Variants in KAZN observed in about 807,000 individuals in gnomAD.
KAZN encodes kazrin.
In KAZN, 40 loss-of-function variants were observed where a neutral mutation model predicts 87.4. That is an observed-to-expected ratio of 0.46 (90% CI 0.36 to 0.60). The LOEUF (loss-of-function observed/expected upper bound fraction) is 0.60. Ranked by LOEUF, KAZN falls within the 20% of genes least tolerant of loss-of-function variation. The pLI, the probability that KAZN is intolerant of heterozygous loss-of-function variation, is 0.00. For missense variants in KAZN, 898 were observed against 1,073.9 expected (o/e 0.84, Z 2.29); for synonymous variants, 466 against 458.3 (o/e 1.02, Z -0.22).
intron 2 of KAZN, among the ~76,000 whole-genome samples, chr1:14,230,979 G>A (rs1430926301): frequency 6.6e-6 from 1 of 152,114 alleles, no homozygotes; most frequent in Admixed American, 6.6e-5. Context: ...TTAAAATGGG[G>A]TAATAATAGG....
chr1:14,448,300 T>G (rs1045077491), intron 2 of KAZN, among the ~76,000 whole-genome samples: 1 of 152,196 alleles, frequency 6.6e-6, no homozygotes, highest in Non-Finnish European at 1.5e-5. Context: ...AGCCCAGGTA[T>G]AAGGCACCAC....
chr1:15,057,760 C>T (rs1638422082), intron 5 of KAZN, among the ~76,000 whole-genome samples: 1 of 152,240 alleles, frequency 6.6e-6, no homozygotes, highest in African/African-American at 2.4e-5. Context: ...AGCCATGCAG[C>T]CAGCTGTCCT....
At chr1:14,944,103 C>T (rs1161360864) in intron 1 of KAZN, among the ~76,000 whole-genome samples, 1 of 151,836 alleles carries the variant, frequency 6.6e-6, no homozygotes, top group Non-Finnish European at 1.5e-5. Flanking sequence ...AAAACACACA[C>T]TGGATATGCA....
chr1:14,784,303 C>G (rs1357569395), intron 1 of KAZN, among the ~76,000 whole-genome samples: 1 of 152,198 alleles, frequency 6.6e-6, no homozygotes, highest in Non-Finnish European at 1.5e-5. Flanking sequence ...ACCTTCCTGG[C>G]AACGCCTAGA....
At chr1:14,883,354 GAAA>G (rs371217960) in intron 1 of KAZN, among the ~76,000 whole-genome samples, 662 of 15,806 alleles carry the variant, frequency 0.042, 24 homozygotes, top group East Asian at 0.11. Context: ...AAGAAAGAAA[GAAA>G]AGAAAGAAAG....
At chr1:14,879,312 C>T (rs896908520) in intron 1 of KAZN, among the ~76,000 whole-genome samples, 2 of 152,258 alleles carry the variant, frequency 1.3e-5, no homozygotes, top group East Asian at 3.9e-4. Context: ...ATAAGTGAAG[C>T]ACACAGCATA....
intron 1 of KAZN, among the ~76,000 whole-genome samples, chr1:14,680,885 C>A (rs1640528512): frequency 6.6e-6 from 1 of 152,172 alleles, no homozygotes; most frequent in South Asian, 2.1e-4. Context: ...AAAGAGCCTT[C>A]ATTGGCTCCT....
intron 1 of KAZN, among the ~76,000 whole-genome samples, chr1:14,035,682 T>C (rs1312432797): frequency 1.3e-5 from 2 of 151,256 alleles, no homozygotes; most frequent in Non-Finnish European, 2.9e-5. Context: ...CCCATGTTGC[T>C]CAGGCTGGTC....
Position 15,117,977 on chromosome 1 carries a change from C to T in KAZN, c.*3342C>T, listed in dbSNP as rs921405575. 1.2e-4 allele frequency: 19 copies of T among 152,318 alleles called. No individual in the cohort carries two copies. The highest frequency in any genetic ancestry group is 3.1e-4 in the African/African-American group (13 of 41,558). The allele number at this position is 152,318 out of a possible 1,614,324, so 9.4% of individuals were successfully genotyped here. A position where few individuals can be genotyped will look rare whatever the true frequency, so the allele number is the denominator to read the frequency against. On this transcript the variant is annotated 3_prime_UTR_variant, in exon 15 of 15. Transcript: ENST00000376030. ...TGAACAAAGATGCAGTTTCTAGGGCCGTGGCCCCAAATCGCTTCCCCGAGA... is the reference window on the plus strand; with the variant it reads ...TGAACAAAGATGCAGTTTCTAGGGCTGTGGCCCCAAATCGCTTCCCCGAGA...
At chr1:14,953,995 T>C (rs1335660920) in intron 1 of KAZN, among the ~76,000 whole-genome samples, 1 of 152,184 alleles carries the variant, frequency 6.6e-6, no homozygotes, top group East Asian at 1.9e-4. Flanking sequence ...CTAAAGGAGA[T>C]GGGCTGCAGA....
chr1:14,024,870 C>T (rs1263974643), intron 1 of KAZN, among the ~76,000 whole-genome samples: 1 of 152,168 alleles, frequency 6.6e-6, no homozygotes. Context: ...CAATTGCTGG[C>T]GTGGCATTTC....
At chr1:14,382,458 T>TCCCTCC (rs1553164586) in intron 2 of KAZN, among the ~76,000 whole-genome samples, 1 of 38,006 alleles carries the variant, frequency 2.6e-5, no homozygotes, top group Non-Finnish European at 4.6e-5. Context: ...CCCAATGCTA[T>TCCCTCC]CCCTCCCCCC....
intron 2 of KAZN, among the ~76,000 whole-genome samples, chr1:14,565,102 T>C (rs1333057033): frequency 6.6e-6 from 1 of 152,120 alleles, no homozygotes; most frequent in Non-Finnish European, 1.5e-5. Context: ...GCTTGATAAA[T>C]AGAGCATTAC....
intron 1 of KAZN, among the ~76,000 whole-genome samples, chr1:14,179,614 T>G (rs934242599): frequency 2.0e-5 from 3 of 152,220 alleles, no homozygotes; most frequent in Non-Finnish European, 4.4e-5. Context: ...TTTACTTATT[T>G]GGGGTTTGAA....
At chr1:14,251,183 T>C (rs1649999143) in intron 2 of KAZN, among the ~76,000 whole-genome samples, 1 of 152,198 alleles carries the variant, frequency 6.6e-6, no homozygotes, top group East Asian at 1.9e-4. Flanking sequence ...ATGGGGAACA[T>C]TGACATTGCC....
intron 1 of KAZN, among the ~76,000 whole-genome samples, chr1:14,839,542 C>T (rs1393360725): frequency 6.6e-6 from 1 of 152,190 alleles, no homozygotes; most frequent in Non-Finnish European, 1.5e-5. Flanking sequence ...AGAAAAACCC[C>T]TATTCATCCT....
chr1:13,946,644 C>G (rs1216471901), intron 1 of KAZN, among the ~76,000 whole-genome samples: 2 of 152,114 alleles, frequency 1.3e-5, no homozygotes, highest in African/African-American at 2.4e-5. Context: ...ACTTGTTGAA[C>G]TAATATTCCA....
chr1:14,681,632 TATATATATATATATATATATATATA>T (rs1370722116), intron 1 of KAZN, among the ~76,000 whole-genome samples: 95 of 12,378 alleles, frequency 7.7e-3, no homozygotes, highest in African/African-American at 0.025. Context: ...TATATATATA[TATATATATATATATATATATATATA>T]TTTTTTTTTT....
intron 2 of KAZN, among the ~76,000 whole-genome samples, chr1:14,208,844 C>G (rs937153337): frequency 6.6e-6 from 1 of 152,188 alleles, no homozygotes; most frequent in African/African-American, 2.4e-5. Context: ...TCTTACCTCT[C>G]CAAGAGTTGC....
Sources: allele counts gnomAD v4.1 joint callset (sites outside exome capture counted in the v4.1 genomes callset), GRCh38; gene constraint gnomAD v4.1.1; transcripts MANE v1.5; gene names NCBI Gene and HGNC (gene_info 2026-07-23, HGNC 2026-07-21).